Variants in KIAA1217 observed in about 807,000 individuals in gnomAD.
KIAA1217 encodes the protein sickle tail protein homolog.
A neutral mutation model predicts 163.9 loss-of-function variants in KIAA1217; 88 were observed. The ratio of observed to expected loss-of-function variants is 0.54; its 90% confidence interval spans 0.45 to 0.64. The LOEUF (loss-of-function observed/expected upper bound fraction) is 0.64, where lower values mean the gene tolerates loss of function less well. KIAA1217 is among the 30% of genes least tolerant of loss of function. The pLI, the probability that KIAA1217 is intolerant of heterozygous loss-of-function variation, is 0.00. For synonymous variants in KIAA1217, 903 were observed against 923.1 expected (o/e 0.98, Z 0.39); for missense variants, 2,372 against 2,475.0 (o/e 0.96, Z 0.88).
intron 1 of KIAA1217, among the ~76,000 whole-genome samples, chr10:23,817,962 CATATATATATATATATATATATATATAT>C (rs71397918): frequency 2.6e-4 from 14 of 54,256 alleles, no homozygotes; most frequent in East Asian, 1.2e-3. Context: ...TGTGGTGGCA[CATATATATATATATATATATATATATAT>C]ATATATATAT....
intron 1 of KIAA1217, among the ~76,000 whole-genome samples, chr10:23,776,229 C>G (rs571803663): frequency 6.6e-6 from 1 of 152,008 alleles, no homozygotes; most frequent in East Asian, 1.9e-4. Flanking sequence ...TGAGTCTGAT[C>G]CCTCAAGATT....
intron 1 of KIAA1217, among the ~76,000 whole-genome samples, chr10:23,769,203 G>A (rs1047946945): frequency 6.6e-6 from 1 of 152,150 alleles, no homozygotes; most frequent in Admixed American, 6.5e-5. Context: ...TGGTTGGTTG[G>A]GTGGAAGATG....
intron 3 of KIAA1217, among the ~76,000 whole-genome samples, chr10:24,392,954 A>G (rs1591560188): frequency 6.6e-6 from 1 of 152,276 alleles, no homozygotes; most frequent in Non-Finnish European, 1.5e-5. Flanking sequence ...TTTTAATTAA[A>G]AGTTTCTGGC....
intron 1 of KIAA1217, among the ~76,000 whole-genome samples, chr10:23,825,885 G>A (rs1283150205): frequency 1.3e-5 from 2 of 152,144 alleles, no homozygotes; most frequent in African/African-American, 4.8e-5. Context: ...GTTTTTATGG[G>A]CAAAATGGGG....
chr10:23,697,471 T>C (rs1394589788), intron 1 of KIAA1217, among the ~76,000 whole-genome samples: 4 of 152,160 alleles, frequency 2.6e-5, no homozygotes, highest in African/African-American at 9.7e-5. Flanking sequence ...TAGAAGGTGA[T>C]AAATTCCAAG....
At chr10:24,360,985 A>C (rs1445203804) in intron 2 of KIAA1217, among the ~76,000 whole-genome samples, 5 of 151,970 alleles carry the variant, frequency 3.3e-5, no homozygotes, top group Non-Finnish European at 7.4e-5. Context: ...AAAAAATTTT[A>C]TTACAAAAGT....
intron 2 of KIAA1217, among the ~76,000 whole-genome samples, chr10:24,132,417 GTCCATT>G (rs1352873214): frequency 6.6e-6 from 1 of 152,180 alleles, no homozygotes; most frequent in Non-Finnish European, 1.5e-5. Context: ...GACCAAGTGT[GTCCATT>G]TCAGAGAGCT....
chr10:24,068,663 G>T (rs1281857502), intron 2 of KIAA1217, among the ~76,000 whole-genome samples: 1 of 152,150 alleles, frequency 6.6e-6, no homozygotes, highest in Non-Finnish European at 1.5e-5. Context: ...TCAAATCTTT[G>T]TGCTACTCCA....
At chr10:24,035,543 C>A (rs924689543) in intron 2 of KIAA1217, among the ~76,000 whole-genome samples, 3 of 152,174 alleles carry the variant, frequency 2.0e-5, no homozygotes, top group African/African-American at 7.2e-5. Flanking sequence ...ACTAATCTCT[C>A]CAGCTTCTGA....
intron 1 of KIAA1217, among the ~76,000 whole-genome samples, chr10:23,953,435 T>C (rs1188003047): frequency 6.6e-6 from 1 of 152,222 alleles, no homozygotes; most frequent in Non-Finnish European, 1.5e-5. Context: ...ATAGATACAT[T>C]AGCTGTTGAA....
intron 1 of KIAA1217, among the ~76,000 whole-genome samples, chr10:23,992,951 C>A (rs1485246531): frequency 6.7e-6 from 1 of 150,346 alleles, no homozygotes; most frequent in Non-Finnish European, 1.5e-5. Flanking sequence ...GTTTTACTTT[C>A]TTTTTCTTTG....
intron 3 of KIAA1217, among the ~76,000 whole-genome samples, chr10:24,392,526 C>T (rs1176935186): frequency 6.6e-6 from 1 of 152,108 alleles, no homozygotes; most frequent in Non-Finnish European, 1.5e-5. Context: ...ATGGTTGGTC[C>T]TTGGCTATTA....
chr10:23,763,521 G>T (rs1037876041), intron 1 of KIAA1217, among the ~76,000 whole-genome samples: 6 of 151,782 alleles, frequency 4.0e-5, no homozygotes, highest in Non-Finnish European at 7.4e-5. Flanking sequence ...GAAGGTAAAT[G>T]GTGCTGAGAA....
At chr10:24,130,538 C>G (rs946820544) in intron 2 of KIAA1217, among the ~76,000 whole-genome samples, 2 of 152,130 alleles carry the variant, frequency 1.3e-5, no homozygotes, top group African/African-American at 4.8e-5. Context: ...GTAAAATGAA[C>G]TAGCAAATGT....
At chr10:24,112,185 C>T (rs754815650) in intron 2 of KIAA1217, among the ~76,000 whole-genome samples, 1 of 152,124 alleles carries the variant, frequency 6.6e-6, no homozygotes, top group Admixed American at 6.6e-5. Context: ...GAAAGTAAAA[C>T]GTCACTACAT....
intron 1 of KIAA1217, among the ~76,000 whole-genome samples, chr10:23,854,490 G>T (rs1267697668): frequency 6.6e-6 from 1 of 152,192 alleles, no homozygotes; most frequent in African/African-American, 2.4e-5. Flanking sequence ...TGTATATTCT[G>T]TTGATGTGGG....
At chr10:24,113,999 T>C (rs1242978390) in intron 2 of KIAA1217, among the ~76,000 whole-genome samples, 1 of 152,170 alleles carries the variant, frequency 6.6e-6, no homozygotes, top group Non-Finnish European at 1.5e-5. Flanking sequence ...TCACCTCCCA[T>C]AAAGCTGGCC....
In KIAA1217 at chr10:24,494,599, G is replaced by A. The variant is rs143298890; in HGVS notation, c.1779G>A (p.Ala593=). Residue 593 remains alanine (A), a synonymous_variant, in exon 7 of 21, where the codon GCG becomes GCA. Coordinates refer to ENST00000376454, the MANE Select transcript of KIAA1217 (RefSeq NM_019590.5). Reference sequence around the variant, plus strand: ...CCATTACAAGTTATAGCAAAGATGCGTCTAGGTAAAAAAGAAGAAAGCCAA... The same window carrying A: ...CCATTACAAGTTATAGCAAAGATGCATCTAGGTAAAAAAGAAGAAAGCCAA... The part of the protein sequence containing the change: ...KGPITSYSKD[A]SSEKMMKTTA... 5.4e-5 allele frequency: 86 copies of A among 1,599,494 alleles called. No individual in the cohort carries two copies. Among genetic ancestry groups the A allele is most frequent in the Middle Eastern group, 3.3e-4 (2 of 6,038 alleles).
intron 1 of KIAA1217, among the ~76,000 whole-genome samples, chr10:23,775,727 T>C (rs1268532063): frequency 6.6e-6 from 1 of 152,352 alleles, no homozygotes; most frequent in East Asian, 1.9e-4. Context: ...GTATTTCACA[T>C]AACATGAGGC....
Sources: gnomAD v4.1 joint callset for allele counts (sites outside exome capture counted in the v4.1 genomes callset) on GRCh38, gnomAD v4.1.1 for gene constraint, MANE v1.5 for transcripts, NCBI Gene and HGNC (gene_info 2026-07-23, HGNC 2026-07-21) for gene names.